Variants in VTI1A observed in about 807,000 individuals in gnomAD.
VTI1A encodes vesicle transport through interaction with t-SNAREs homolog 1A.
Under a neutral mutation model 34.9 loss-of-function variants are expected in VTI1A, and 22 were observed. The ratio of observed to expected loss-of-function variants is 0.63; its 90% CI spans 0.45 to 0.90. VTI1A has a LOEUF of 0.90. VTI1A is among the 40% of genes least tolerant of loss of function. VTI1A has a pLI of 0.00. For missense variants in VTI1A, 268 were observed against 275.6 expected (o/e 0.97, Z 0.20); for synonymous variants, 87 against 97.3 (o/e 0.89, Z 0.62).
chr10:112,538,453 TG>T, intron 5 of VTI1A, 123 bp downstream of exon 5: 1 of 867,022 alleles, frequency 1.2e-6, no homozygotes, highest in Admixed American at 2.2e-5. Flanking sequence ...GTTTACATAT[TG>T]GGGAGACAAT....
At chr10:112,464,773 G>A (rs1847842347) in intron 3 of VTI1A, 116 bp downstream of exon 3, 7 of 836,282 alleles carry the variant, frequency 8.4e-6, no homozygotes, top group Non-Finnish European at 9.5e-6. Context: ...ACAAGTAACA[G>A]CTTTCATTCT....
rs182565364 is a variant in VTI1A at position 112,794,571 on chromosome 10, A to G, written c.561-20719A>G. On this transcript the variant is annotated intron_variant, in intron 7 of 7. Coordinates refer to ENST00000393077, the MANE Select transcript of VTI1A (RefSeq NM_145206.4). The stretch of plus-strand genomic sequence containing the variant: ...TGCCTCTAAAAAATAATAATAAAAT[A>G]AAATAATAAATAAAAAATTAAAATT... 3.1e-3 allele frequency among the ~76,000 whole-genome samples: 474 copies of G among 152,184 alleles called. 3 individuals carry two copies. Among genetic ancestry groups the G allele is most frequent in the Non-Finnish European group, 4.6e-3 (312 of 68,016 alleles).
At chr10:112,714,032 AT>A (rs900602028) in intron 7 of VTI1A, among the ~76,000 whole-genome samples, 1 of 152,086 alleles carries the variant, frequency 6.6e-6, no homozygotes, top group African/African-American at 2.4e-5. Context: ...ACCTTTTAGC[AT>A]TCTAGGTCTC....
rs190837174 is a variant in VTI1A, at chr10:112,491,125, T to G, written c.264+26468T>G. On this transcript the variant is annotated intron_variant, in intron 3 of 7. Coordinates refer to ENST00000393077, the MANE Select transcript of VTI1A (RefSeq NM_145206.4). ...GAACATTCGATGTATGGCACCAAACTCAGGAGAAGTTGTAGGCAGGAGACT... is the reference window on the plus strand; with the variant it reads ...GAACATTCGATGTATGGCACCAAACGCAGGAGAAGTTGTAGGCAGGAGACT... Among the ~76,000 whole-genome samples, 6 of 152,176 alleles carry G rather than the reference T, an allele frequency of 3.9e-5. No homozygotes were observed. The East Asian group carries it at 1.2e-3, about 29-fold the overall frequency.
intron 7 of VTI1A, among the ~76,000 whole-genome samples, chr10:112,782,528 T>G (rs74544301): frequency 0.087 from 13,300 of 152,298 alleles, 1,071 homozygotes; most frequent in African/African-American, 0.21. Flanking sequence ...GAAGTCTGGC[T>G]AAAGAGCAGC....
At chr10:112,696,094 T>TTATATATATATA (rs140889088) in intron 7 of VTI1A, among the ~76,000 whole-genome samples, 2,690 of 145,060 alleles carry the variant, frequency 0.019, 64 homozygotes, top group Admixed American at 0.06. Context: ...GAGAGAATGA[T>TTATATATATATA]TATATATATA....
intron 3 of VTI1A, among the ~76,000 whole-genome samples, chr10:112,475,238 G>A (rs1282156767): frequency 1.3e-5 from 2 of 152,164 alleles, no homozygotes; most frequent in African/African-American, 4.8e-5. Flanking sequence ...GAAACTGTTT[G>A]CCTTTAGCTT....
intron 7 of VTI1A, among the ~76,000 whole-genome samples, chr10:112,720,438 G>T (rs895442809): frequency 5.1e-4 from 77 of 152,220 alleles, no homozygotes; most frequent in African/African-American, 1.8e-3. Flanking sequence ...GGTGGCTTTG[G>T]TTTGCATTTC....
At chr10:112,737,129 G>T in intron 7 of VTI1A, 1 of 277,300 alleles carries the variant, frequency 3.6e-6, no homozygotes, top group Non-Finnish European at 6.7e-6. Flanking sequence ...GGAGTGGAGT[G>T]GCACAATCTT....
intron 7 of VTI1A, among the ~76,000 whole-genome samples, chr10:112,783,671 G>A (rs776100958): frequency 3.9e-5 from 6 of 152,176 alleles, no homozygotes; most frequent in Non-Finnish European, 7.3e-5. Flanking sequence ...AGGAAAATTC[G>A]AAGGGAGAAT....
At chr10:112,683,075 A>G (rs904023996) in intron 7 of VTI1A, among the ~76,000 whole-genome samples, 1 of 152,250 alleles carries the variant, frequency 6.6e-6, no homozygotes, top group African/African-American at 2.4e-5. Flanking sequence ...CATGCAATCT[A>G]TGATAAGTGA....
chr10:112,825,777 G>A, the VTI1A span: 8 of 152,190 alleles, frequency 5.3e-5, no homozygotes, highest in East Asian at 1.9e-4. Context: ...TCAACCTTCC[G>A]GAGCCCAGCT....
rs12775634 is a variant in VTI1A, at chr10:112,641,013, A to G, written c.428-27205A>G. Among the ~76,000 whole-genome samples the G allele has an allele frequency of 4.6e-3, 700 of 152,238 alleles. 9 individuals carry two copies. Among genetic ancestry groups the G allele is most frequent in the Non-Finnish European group, 5.0e-3 (338 of 68,020 alleles). ...GATTGGCTGTTTTCATATAACTTCA[A>G]AAGAATACTAAATATTGCCCTGTTG... On this transcript the variant is annotated intron_variant, in intron 5 of 7. Transcript: ENST00000393077.
At chr10:112,852,947 T>A in the VTI1A span, among the ~76,000 whole-genome samples, 1 of 151,828 alleles carries the variant, frequency 6.6e-6, no homozygotes, top group Non-Finnish European at 1.5e-5. Context: ...CCCAGCTAAT[T>A]TTTTTTTAAT....
chr10:112,709,287 C>G (rs762141344), intron 7 of VTI1A, among the ~76,000 whole-genome samples: 5 of 152,090 alleles, frequency 3.3e-5, no homozygotes, highest in Non-Finnish European at 7.4e-5. Context: ...AAGTTGGAGC[C>G]CTGTATTTTC....
At chr10:112,748,707 G>A (rs1175608201) in intron 7 of VTI1A, among the ~76,000 whole-genome samples, 1 of 140,030 alleles carries the variant, frequency 7.1e-6, no homozygotes, top group African/African-American at 2.7e-5. Context: ...CTCACTGCAA[G>A]CTCCGCCTCC....
chr10:112,496,918 T>A (rs138243279), intron 3 of VTI1A, among the ~76,000 whole-genome samples: 1 of 152,198 alleles, frequency 6.6e-6, no homozygotes, highest in East Asian at 1.9e-4. Context: ...GCCTTAAAAA[T>A]AAAAAATAAA....
At chr10:112,661,068 C>T (rs1480990849) in intron 5 of VTI1A, among the ~76,000 whole-genome samples, 2 of 152,190 alleles carry the variant, frequency 1.3e-5, no homozygotes, top group African/African-American at 4.8e-5. Context: ...GCAACCTCCG[C>T]CTCCTGGGTT....
chr10:112,615,843 A>G (rs116499923), intron 5 of VTI1A, among the ~76,000 whole-genome samples: 1,875 of 152,284 alleles, frequency 0.012, 45 homozygotes, highest in African/African-American at 0.043. Context: ...AGGAAGGAGT[A>G]TGGCACACTG....
Sources: gnomAD v4.1 joint callset for allele counts (sites outside exome capture counted in the v4.1 genomes callset) on GRCh38, gnomAD v4.1.1 for gene constraint, MANE v1.5 for transcripts, NCBI Gene and HGNC (gene_info 2026-07-23, HGNC 2026-07-21) for gene names.